CCDC81: variants seen among roughly 807,000 people sequenced by gnomAD.
CCDC81 encodes the protein coiled-coil domain-containing protein 81.
A neutral mutation model predicts 83.7 loss-of-function variants in CCDC81; 79 were observed. The ratio of observed to expected loss-of-function variants is 0.94; its 90% confidence interval spans 0.79 to 1.14. CCDC81 has a LOEUF of 1.14. Ranked by LOEUF, CCDC81 falls within the 50% of genes most tolerant of loss-of-function variation. The pLI is 0.00. For missense variants in CCDC81, 791 were observed against 778.1 expected (o/e 1.02, Z -0.20); for synonymous variants, 252 against 278.1 (o/e 0.91, Z 0.93).
chr11:86,392,733 G>C lies in CCDC81; in HGVS notation c.491G>C (p.Arg164Thr), dbSNP rs1416959632. 1 of 1,551,512 alleles carries C rather than the reference G, an allele frequency of 6.4e-7. No individual in the cohort carries two copies. The highest frequency in any genetic ancestry group is 8.7e-7 in the Non-Finnish European group (1 of 1,146,964). ...LMIRDSKVKMRFYKDFLCTMD... is the reference protein window; with the variant it reads ...LMIRDSKVKMTFYKDFLCTMD... ...ATCAGAGACAGCAAAGTGAAGATGA[G>C]GTTTTATAAAGACTTCCTTTGTACC... Residue 164 changes from arginine (R) to threonine (T), a missense_variant, in exon 4 of 15, where the codon AGG becomes ACG. Physicochemically the swap from Arg to Thr is moderately conservative, Grantham distance 71 (BLOSUM62 -1). Coordinates refer to ENST00000445632, the MANE Select transcript of CCDC81 (RefSeq NM_001156474.2).
At chr11:86,376,383 A>T (rs1020625316) in intron 1 of CCDC81, among the ~76,000 whole-genome samples, 29 of 152,288 alleles carry the variant, frequency 1.9e-4, no homozygotes, top group African/African-American at 6.7e-4. Flanking sequence ...TAAAGGAAAG[A>T]GGTTTAATTG....
chr11:86,387,709 T>G (rs1189655938), intron 3 of CCDC81, 37 bp downstream of exon 3: 2 of 1,455,964 alleles, frequency 1.4e-6, no homozygotes, highest in African/African-American at 2.8e-5. Flanking sequence ...TCCCAGAAGG[T>G]TACTGTCCTG....
intron 3 of CCDC81, among the ~76,000 whole-genome samples, chr11:86,389,362 T>C (rs1253610237): frequency 6.6e-6 from 1 of 152,216 alleles, no homozygotes; most frequent in Non-Finnish European, 1.5e-5. Context: ...ACTAGGTAAC[T>C]GTATTAGTCT....
Position 86,387,652 on chromosome 11 carries a change from A to G in CCDC81, c.278A>G (p.Gln93Arg), listed in dbSNP as rs1565759180. The G allele has an allele frequency of 1.9e-6, 3 of 1,603,660 alleles. No individual in the cohort carries two copies. Among genetic ancestry groups the G allele is most frequent in the African/African-American group, 2.7e-5 (2 of 74,670 alleles). ...CTAGTGCAGATTCATGGACTCAAAC[A>G]AAACAAAGTATATACTCCTGGTAAA... ...EKLVQIHGLK[Q>R]NKVYTPGEIP... The change falls in exon 3 of 15, where the codon CAA (glutamine) becomes CGA (arginine). Residue 93 changes from glutamine (Q) to arginine (R), a missense_variant. Gln to Arg is a conservative substitution (Grantham distance 43). Transcript: ENST00000445632.
intron 9 of CCDC81, 81 bp from the exon 10 acceptor site, chr11:86,409,180 T>C (rs1377426529): frequency 3.3e-6 from 2 of 606,198 alleles, no homozygotes; most frequent in Non-Finnish European, 5.3e-6. Context: ...TTTAATGTAA[T>C]AGAATTAAAA....
rs764606643 is a variant in CCDC81 at position 86,407,669 on chromosome 11, C to T, written c.937C>T (p.Pro313Ser). Residue 313 changes from proline to serine, a missense_variant, in exon 8 of 15, where the codon CCA becomes TCA. Coordinates refer to ENST00000445632, the MANE Select transcript of CCDC81 (RefSeq NM_001156474.2). ...HDSEMKPQTS[P>S]ACQDHNKAGQ... ...CAGTGAGATGAAGCCCCAAACATCT[C>T]CAGCTTGCCAGGATCATAACAAGGC... 5.6e-6 allele frequency: 9 copies of T among 1,613,588 alleles called. No homozygotes were observed. Among genetic ancestry groups the T allele is most frequent in the Non-Finnish European group, 6.8e-6 (8 of 1,179,792 alleles).
chr11:86,389,594 T>C (rs750608410), intron 3 of CCDC81, among the ~76,000 whole-genome samples: 1 of 152,122 alleles, frequency 6.6e-6, no homozygotes, highest in East Asian at 1.9e-4. Context: ...TTTTAAACCA[T>C]GAGATCTCAT....
chr11:86,420,297 G>A (rs974658148), intron 14 of CCDC81, among the ~76,000 whole-genome samples: 6 of 152,310 alleles, frequency 3.9e-5, no homozygotes, highest in Non-Finnish European at 5.9e-5. Context: ...TCTGCTTAGG[G>A]TGGCTTTATT....
chr11:86,376,412 C>G (rs967858578), intron 1 of CCDC81, among the ~76,000 whole-genome samples: 2 of 152,136 alleles, frequency 1.3e-5, no homozygotes, highest in African/African-American at 4.8e-5. Context: ...TTCTTCATGG[C>G]TGGGGGAGCC....
chr11:86,405,003 CATT>C (rs1314625997), intron 7 of CCDC81, among the ~76,000 whole-genome samples: 3 of 152,108 alleles, frequency 2.0e-5, no homozygotes, highest in Non-Finnish European at 4.4e-5. Context: ...TACTTGAAGA[CATT>C]GTATACTACT....
At chr11:86,391,707 TG>T (rs1331126112) in intron 3 of CCDC81, among the ~76,000 whole-genome samples, 1 of 152,242 alleles carries the variant, frequency 6.6e-6, no homozygotes, top group Non-Finnish European at 1.5e-5. Flanking sequence ...TGTAGGTATT[TG>T]TAATCATGTA....
intron 1 of CCDC81, among the ~76,000 whole-genome samples, chr11:86,383,386 T>TA (rs1284828980): frequency 8.5e-5 from 13 of 152,234 alleles, no homozygotes; most frequent in Non-Finnish European, 1.5e-4. Flanking sequence ...CATTAATGAC[T>TA]TTTTCAAGCA....
intron 4 of CCDC81, among the ~76,000 whole-genome samples, chr11:86,393,247 G>C (rs1456687041): frequency 6.6e-6 from 1 of 152,104 alleles, no homozygotes; most frequent in Non-Finnish European, 1.5e-5. Context: ...ATTTTTAGTA[G>C]AGACAAAGTT....
chr11:86,378,243 G>A (rs1262956281), intron 1 of CCDC81, among the ~76,000 whole-genome samples: 2 of 151,968 alleles, frequency 1.3e-5, no homozygotes, highest in African/African-American at 4.8e-5. Flanking sequence ...TTATCTAGAT[G>A]CATATTATTT....
At chr11:86,412,660 A>G (rs533617490) in intron 11 of CCDC81, 101 bp downstream of exon 11, 2 of 1,045,068 alleles carry the variant, frequency 1.9e-6, no homozygotes, top group East Asian at 2.7e-5. Context: ...TCATTAGCAC[A>G]CTGTAACCAA....
intron 7 of CCDC81, among the ~76,000 whole-genome samples, chr11:86,405,999 G>T (rs1008405253): frequency 1.3e-5 from 2 of 152,092 alleles, no homozygotes; most frequent in African/African-American, 4.8e-5. Flanking sequence ...CTGACCTCAA[G>T]TTATCCACCT....
intron 9 of CCDC81, among the ~76,000 whole-genome samples, chr11:86,408,702 G>A (rs929035664): frequency 2.0e-5 from 3 of 152,122 alleles, no homozygotes; most frequent in Non-Finnish European, 2.9e-5. Context: ...ATCTAATCAC[G>A]TATTTACTGT....
At chr11:86,384,498 T>C (rs1948215389) in intron 1 of CCDC81, among the ~76,000 whole-genome samples, 1 of 152,188 alleles carries the variant, frequency 6.6e-6, no homozygotes, top group African/African-American at 2.4e-5. Flanking sequence ...TAAAAGTCAT[T>C]GCTACTTCTC....
chr11:86,389,135 A>G (rs1267937166), intron 3 of CCDC81, among the ~76,000 whole-genome samples: 2 of 152,154 alleles, frequency 1.3e-5, no homozygotes, highest in Admixed American at 6.5e-5. Flanking sequence ...ACAAAAAATT[A>G]TTTAAAAAAC....
Sources: allele counts gnomAD v4.1 joint callset (sites outside exome capture counted in the v4.1 genomes callset), GRCh38; gene constraint gnomAD v4.1.1; transcripts MANE v1.5; gene names NCBI Gene and HGNC (gene_info 2026-07-23, HGNC 2026-07-21).